CORIN: variants seen among roughly 807,000 people sequenced by gnomAD.
The protein encoded by CORIN is atrial natriuretic peptide-converting enzyme.
In CORIN, 117 loss-of-function variants were observed where a neutral mutation model predicts 125.3. The observed-to-expected ratio is 0.93, with a 90% confidence interval of 0.80 to 1.09. The LOEUF is 1.09. CORIN is among the 50% of genes least tolerant of loss of function. The pLI, the probability that CORIN is intolerant of heterozygous loss-of-function variation, is 0.00. For synonymous variants in CORIN, 450 were observed against 466.4 expected, an observed-to-expected ratio of 0.96 and a Z score of 0.45; for missense variants, 1,253 against 1,306.7, an observed-to-expected ratio of 0.96 and a Z score of 0.63.
chr4:47,834,249 A>G (rs1039633642), intron 1 of CORIN, among the ~76,000 whole-genome samples: 1 of 152,212 alleles, frequency 6.6e-6, no homozygotes, highest in African/African-American at 2.4e-5. Flanking sequence ...GTATATATAC[A>G]TACAGTACAA....
intron 6 of CORIN, among the ~76,000 whole-genome samples, chr4:47,687,257 G>A (rs1222806705): frequency 3.9e-5 from 6 of 152,244 alleles, no homozygotes; most frequent in Admixed American, 3.9e-4. Context: ...AATACAAATG[G>A]CAAATGCAAA....
chr4:47,661,691 T>C lies in CORIN; in HGVS notation c.1735+20A>G, dbSNP rs746406880. Reference sequence around the variant, plus strand: ...TTCATCCATGTTAGATACCCTGCTGTAATTAATTTTAAAATTAACCTTCCA... The same window carrying C: ...TTCATCCATGTTAGATACCCTGCTGCAATTAATTTTAAAATTAACCTTCCA... On this transcript the variant is annotated intron_variant, in intron 12 of 21. Transcript: ENST00000273857. 2 of 1,596,414 alleles carry C rather than the reference T, an allele frequency of 1.3e-6. No individual in the cohort carries two copies.
At chr4:47,753,204 T>C (rs1179418343) in intron 4 of CORIN, among the ~76,000 whole-genome samples, 1 of 151,412 alleles carries the variant, frequency 6.6e-6, no homozygotes, top group South Asian at 2.1e-4. Flanking sequence ...TTAAAAGGGG[T>C]GGGGGTGTAC....
At chr4:47,742,777 C>T (rs556530855) in intron 5 of CORIN, among the ~76,000 whole-genome samples, 47 of 151,974 alleles carry the variant, frequency 3.1e-4, no homozygotes, top group South Asian at 1.0e-3. Flanking sequence ...TTACATTAAA[C>T]GCAAAGGGCC....
chr4:47,600,602 T>G (rs1258478648), intron 20 of CORIN, among the ~76,000 whole-genome samples: 2 of 152,112 alleles, frequency 1.3e-5, no homozygotes, highest in Non-Finnish European at 2.9e-5. Flanking sequence ...CCTAGACTGG[T>G]TAAGTAAGTT....
intron 5 of CORIN, among the ~76,000 whole-genome samples, chr4:47,700,870 A>G (rs1349514002): frequency 6.6e-6 from 1 of 152,150 alleles, no homozygotes; most frequent in Admixed American, 6.5e-5. Context: ...ACCCAACACA[A>G]TCTCTGCTCA....
intron 1 of CORIN, among the ~76,000 whole-genome samples, chr4:47,834,704 TA>T (rs1251767759): frequency 6.6e-6 from 1 of 152,208 alleles, no homozygotes; most frequent in Non-Finnish European, 1.5e-5. Context: ...GACGGTTTTA[TA>T]GATGTATACT....
chr4:47,699,590 G>A (rs1010848446), intron 5 of CORIN, among the ~76,000 whole-genome samples: 5 of 152,110 alleles, frequency 3.3e-5, no homozygotes, highest in South Asian at 2.1e-4. Flanking sequence ...CACATTATAC[G>A]TGCAAGTTAG....
intron 13 of CORIN, 149 bp from the exon 14 acceptor site, chr4:47,645,343 A>T: frequency 2.0e-6 from 1 of 511,374 alleles, no homozygotes. Context: ...TGGGAGGCTG[A>T]GGTGGGCGGA....
chr4:47,777,653 CAT>C (rs552808204), intron 3 of CORIN, among the ~76,000 whole-genome samples: 5 of 152,038 alleles, frequency 3.3e-5, no homozygotes, highest in Admixed American at 6.6e-5. Context: ...TCAAACACCA[CAT>C]GTGAATATTA....
At chr4:47,828,960 C>G (rs1024844763) in intron 1 of CORIN, among the ~76,000 whole-genome samples, 11 of 151,742 alleles carry the variant, frequency 7.2e-5, no homozygotes, top group African/African-American at 2.2e-4. Context: ...AGATCGAGAC[C>G]ATCTTGGCTA....
At chr4:47,728,128 CTATT>C (rs1442861046) in intron 5 of CORIN, among the ~76,000 whole-genome samples, 5 of 152,096 alleles carry the variant, frequency 3.3e-5, no homozygotes, top group African/African-American at 1.2e-4. Flanking sequence ...GCTCACAATG[CTATT>C]TAGCAGAATG....
chr4:47,646,173 T>C (rs1184053073), intron 13 of CORIN, among the ~76,000 whole-genome samples: 2 of 152,170 alleles, frequency 1.3e-5, no homozygotes, highest in Non-Finnish European at 2.9e-5. Context: ...ATAAGACTTA[T>C]CTATAAAATA....
chr4:47,706,423 G>C (rs1726554762), intron 5 of CORIN: 9 of 1,609,556 alleles, frequency 5.6e-6, no homozygotes. Flanking sequence ...GCAGTCTGAT[G>C]TCACGCGCTT....
chr4:47,595,459 G>T lies in CORIN; in HGVS notation c.*262C>A. The T allele has an allele frequency of 1.0e-4, 26 of 249,256 alleles. No individual in the cohort carries two copies. The highest frequency in any genetic ancestry group is 1.3e-3 in the Middle Eastern group (1 of 772). The allele number at this position is 249,256 out of a possible 1,614,324, so 15.4% of individuals were successfully genotyped here. ...GTCGATAATTTTGTGCTGCAGTCAT[G>T]GTTAGGCCTGGCAAAAGGACAAAGT... On this transcript the variant is annotated 3_prime_UTR_variant, in exon 22 of 22. Transcript: ENST00000273857.
chr4:47,653,577 C>T lies in CORIN; in HGVS notation c.1819G>A (p.Asp607Asn), dbSNP rs1046263917. 2.0e-5 allele frequency: 33 copies of T among 1,613,916 alleles called. No homozygotes were observed. The highest frequency in any genetic ancestry group is 1.6e-4 in the Middle Eastern group (1 of 6,084). The change falls in exon 13 of 22, where the codon GAT (aspartate) becomes AAT (asparagine). Residue 607 changes from aspartate (D) to asparagine (N), a missense_variant. Physicochemically the swap from Asp to Asn is conservative, Grantham distance 23. Transcript: ENST00000273857. ...CCACAGTTTTCCTCATCACTGTCATCGTCACAGTCGGCCTGGCCATCACAT... is the reference window on the plus strand; with the variant it reads ...CCACAGTTTTCCTCATCACTGTCATTGTCACAGTCGGCCTGGCCATCACAT... ...RRCDGQADCD[D>N]DSDEENCGCK...
intron 6 of CORIN, among the ~76,000 whole-genome samples, chr4:47,689,215 C>T (rs1725658205): frequency 6.6e-6 from 1 of 152,162 alleles, no homozygotes. Flanking sequence ...GACCGCAAAT[C>T]CTAGTGCTTT....
intron 5 of CORIN, among the ~76,000 whole-genome samples, chr4:47,699,055 T>C (rs1226701631): frequency 3.3e-5 from 5 of 152,190 alleles, no homozygotes; most frequent in Non-Finnish European, 5.9e-5. Flanking sequence ...ACACACTTCT[T>C]AGAATGTATA....
At chr4:47,639,313 A>G (rs1723147348) in intron 16 of CORIN, among the ~76,000 whole-genome samples, 1 of 152,172 alleles carries the variant, frequency 6.6e-6, no homozygotes, top group South Asian at 2.1e-4. Flanking sequence ...AGTCTACACC[A>G]TTCTCTGATG....
Sources: allele counts gnomAD v4.1 joint callset (sites outside exome capture counted in the v4.1 genomes callset), GRCh38; gene constraint gnomAD v4.1.1; transcripts MANE v1.5; gene names NCBI Gene and HGNC (gene_info 2026-07-23, HGNC 2026-07-21).